Variants in SLC9C1 observed in about 807,000 individuals in gnomAD.
SLC9C1 encodes solute carrier family 9 member C1, also known as sodium/hydrogen exchanger 10.
SLC9C1 carries 97 observed loss-of-function variants against 140.9 expected under a neutral mutation model. That is an observed-to-expected ratio of 0.69 (90% CI 0.58 to 0.82). The LOEUF is 0.82. SLC9C1 is among the 40% of genes least tolerant of loss of function. The probability of loss-of-function intolerance (pLI) is 0.00; values close to 1 mark genes in which losing one functional copy is unlikely to be tolerated. For synonymous variants in SLC9C1, 440 were observed against 442.6 expected (o/e 0.99, Z 0.07); for missense variants, 1,340 against 1,389.3 (o/e 0.96, Z 0.56).
At chr3:112,235,712 A>T (rs893894913) in intron 12 of SLC9C1, among the ~76,000 whole-genome samples, 25 of 152,196 alleles carry the variant, frequency 1.6e-4, no homozygotes, top group Non-Finnish European at 3.7e-4. Flanking sequence ...CCTTTTCTGC[A>T]TCTATTGAGG....
At chr3:112,189,242 C>T (rs2077600895) in intron 20 of SLC9C1, among the ~76,000 whole-genome samples, 1 of 152,172 alleles carries the variant, frequency 6.6e-6, no homozygotes, top group Non-Finnish European at 1.5e-5. Flanking sequence ...AATTAGATTC[C>T]ATTTGTCAAT....
chr3:112,196,902 A>AT (rs759364459), intron 20 of SLC9C1, among the ~76,000 whole-genome samples: 1 of 147,638 alleles, frequency 6.8e-6, no homozygotes, highest in Non-Finnish European at 1.5e-5. Flanking sequence ...CTGTTGTTTT[A>AT]TTTTTTTCTT....
At chr3:112,190,103 A>G (rs2077622935) in intron 20 of SLC9C1, among the ~76,000 whole-genome samples, 1 of 152,128 alleles carries the variant, frequency 6.6e-6, no homozygotes, top group Non-Finnish European at 1.5e-5. Context: ...GACTTTGCTG[A>G]AGCTGCTTAT....
intron 27 of SLC9C1, among the ~76,000 whole-genome samples, chr3:112,154,748 T>C (rs1432411249): frequency 6.6e-6 from 1 of 152,192 alleles, no homozygotes; most frequent in Non-Finnish European, 1.5e-5. Context: ...TGGTTGCTAA[T>C]GTGATTCAAG....
intron 12 of SLC9C1, among the ~76,000 whole-genome samples, chr3:112,234,595 G>T (rs1436339717): frequency 6.6e-6 from 1 of 152,110 alleles, no homozygotes; most frequent in Non-Finnish European, 1.5e-5. Context: ...TCCTTCTAGG[G>T]TTCTTATGGT....
chr3:112,244,054 A>C lies in SLC9C1; in HGVS notation c.1220T>G (p.Val407Gly). Reference protein sequence around the residue: ...KSQILFHGVLVCLITLVVNRF... With the variant: ...KSQILFHGVLGCLITLVVNRF... The stretch of plus-strand genomic sequence containing the variant: ...ATTGACAACAAGGGTTATTAGGCAT[A>C]CTAACACTCCATGAAATAATATCTA... The change falls in exon 11 of 29, where the codon GTA (valine) becomes GGA (glycine). Residue 407 changes from valine (V) to glycine (G), a missense_variant. Physicochemically the swap from Val to Gly is moderately radical, Grantham distance 109. Coordinates refer to ENST00000305815, the MANE Select transcript of SLC9C1 (RefSeq NM_183061.3). 6.2e-7 allele frequency: 1 copy of C among 1,603,466 alleles called. No individual in the cohort carries two copies. Among genetic ancestry groups the C allele is most frequent in the Non-Finnish European group, 8.5e-7 (1 of 1,174,728 alleles).
rs1370368921 is a variant in SLC9C1 at position 112,266,225 on chromosome 3, G to A, written c.878+13C>T. 1 of 1,541,894 alleles carries A rather than the reference G, an allele frequency of 6.5e-7. No individual in the cohort carries two copies. Among genetic ancestry groups the A allele is most frequent in the Admixed American group, 1.7e-5 (1 of 59,198 alleles). On this transcript the variant is annotated intron_variant, in intron 8 of 28. Coordinates refer to ENST00000305815, the MANE Select transcript of SLC9C1 (RefSeq NM_183061.3). ...AGTGTATGAAATAAAGTCAAAATAT[G>A]CTATCCACTTACTCAAGAAGAAGTG... is the stretch of plus-strand genomic sequence containing the variant.
intron 18 of SLC9C1, among the ~76,000 whole-genome samples, chr3:112,201,180 G>A (rs554658397): frequency 6.6e-6 from 1 of 152,146 alleles, no homozygotes; most frequent in East Asian, 1.9e-4. Flanking sequence ...TATGAACATA[G>A]GTAGGTACTT....
intron 23 of SLC9C1, among the ~76,000 whole-genome samples, chr3:112,170,266 G>A (rs952286463): frequency 2.0e-5 from 3 of 152,172 alleles, no homozygotes; most frequent in Non-Finnish European, 4.4e-5. Context: ...TGCAAACTAT[G>A]CGTCTGACAA....
chr3:112,230,865 G>T (rs1028127748), intron 13 of SLC9C1, among the ~76,000 whole-genome samples: 1 of 152,150 alleles, frequency 6.6e-6, no homozygotes, highest in Non-Finnish European at 1.5e-5. Flanking sequence ...CTAATTTTTA[G>T]CTAATATTTG....
chr3:112,288,525 G>A (rs544457195), intron 1 of SLC9C1, among the ~76,000 whole-genome samples: 2 of 152,350 alleles, frequency 1.3e-5, no homozygotes, highest in South Asian at 2.1e-4. Context: ...GGGAGGCCAA[G>A]ATGGGAGGAT....
intron 26 of SLC9C1, among the ~76,000 whole-genome samples, chr3:112,164,418 TC>T (rs2075402341): frequency 7.2e-6 from 1 of 138,234 alleles, no homozygotes; most frequent in Non-Finnish European, 1.5e-5. Flanking sequence ...TACCGGTTGT[TC>T]CTTTCCATGT....
intron 13 of SLC9C1, among the ~76,000 whole-genome samples, chr3:112,221,573 G>GT (rs1259355879): frequency 6.6e-6 from 1 of 151,866 alleles, no homozygotes; most frequent in Non-Finnish European, 1.5e-5. Flanking sequence ...AAAACCTACA[G>GT]TAAAAAAAAA....
chr3:112,147,659 C>T (rs78756401), intron 28 of SLC9C1: 23,236 of 243,824 alleles, frequency 0.095, 1,255 homozygotes, highest in East Asian at 0.19. Flanking sequence ...TGCTGTTAGC[C>T]TCATGGAGTT....
chr3:112,155,118 C>G, intron 26 of SLC9C1, 69 bp from the exon 27 acceptor site: 1 of 1,340,520 alleles, frequency 7.5e-7, no homozygotes. Context: ...ATTAGTCCAA[C>G]TATCAGATTA....
chr3:112,246,607 G>C (rs1404061261), intron 10 of SLC9C1, among the ~76,000 whole-genome samples: 1 of 151,842 alleles, frequency 6.6e-6, no homozygotes, highest in African/African-American at 2.4e-5. Flanking sequence ...AAGCTTCCAA[G>C]TGTATATGCA....
At chr3:112,286,980 G>A (rs1377447903) in intron 1 of SLC9C1, 102 bp from the exon 2 acceptor site, 2 of 456,450 alleles carry the variant, frequency 4.4e-6, no homozygotes, top group Non-Finnish European at 7.7e-6. Flanking sequence ...ATTTCTCGTG[G>A]TCTGCCAAAT....
At chr3:112,160,971 G>T (rs1011458855) in intron 26 of SLC9C1, among the ~76,000 whole-genome samples, 15 of 152,196 alleles carry the variant, frequency 9.9e-5, no homozygotes, top group African/African-American at 1.2e-4. Flanking sequence ...TCTAACTGGT[G>T]TGAGATGGTA....
Position 112,151,895 on chromosome 3 carries a change from G to A in SLC9C1, c.3486C>T (p.Asn1162=). Residue 1162 remains asparagine, a synonymous_variant, in exon 28 of 29, where the codon AAC becomes AAT. Coordinates refer to ENST00000305815, the MANE Select transcript of SLC9C1 (RefSeq NM_183061.3). The part of the protein sequence containing the change: ...QPCSLLGTKF[N]CKESPRINLR... ...GGTTTATTCTAGGGGACTCCTTACA[G>A]TTGAACTTTGTCCCCAGCAGGGAGC... 1 of 1,611,158 alleles carries A rather than the reference G, an allele frequency of 6.2e-7. No individual in the cohort carries two copies. The highest frequency in any genetic ancestry group is 1.3e-5 in the African/African-American group (1 of 74,832).
Sources: gnomAD v4.1 joint callset for allele counts (sites outside exome capture counted in the v4.1 genomes callset) on GRCh38, gnomAD v4.1.1 for gene constraint, MANE v1.5 for transcripts, NCBI Gene and HGNC (gene_info 2026-07-23, HGNC 2026-07-21) for gene names.